The following SSH2 variants were observed in gnomAD, a reference collection of about 807,000 sequenced individuals.
The protein encoded by SSH2 is slingshot protein phosphatase 2.
A neutral mutation model predicts 135.2 loss-of-function variants in SSH2; 37 were observed. That is an observed-to-expected ratio of 0.27 (90% CI 0.21 to 0.36). The LOEUF (loss-of-function observed/expected upper bound fraction) is 0.36. SSH2 is among the 10% of genes least tolerant of loss of function. The pLI, the probability that SSH2 is intolerant of heterozygous loss-of-function variation, is 1.00. For missense variants in SSH2, 1,408 were observed against 1,765.3 expected (o/e 0.80, Z 3.63); for synonymous variants, 628 against 646.2 (o/e 0.97, Z 0.43).
intron 2 of SSH2, among the ~76,000 whole-genome samples, chr17:29,823,552 T>C (rs1356237080): frequency 6.6e-6 from 1 of 152,036 alleles, no homozygotes; most frequent in Non-Finnish European, 1.5e-5. Flanking sequence ...ACCTCCCCCA[T>C]GCGGATGCCC....
intron 3 of SSH2, among the ~76,000 whole-genome samples, chr17:29,737,072 C>G (rs1303712810): frequency 8.1e-6 from 1 of 123,362 alleles, no homozygotes; most frequent in Non-Finnish European, 1.6e-5. Context: ...GCACTCCAGC[C>G]TGGGCGACAG....
intron 2 of SSH2, among the ~76,000 whole-genome samples, chr17:29,810,184 G>A (rs569030111): frequency 7.2e-4 from 97 of 133,952 alleles, no homozygotes; most frequent in Non-Finnish European, 1.4e-3. Context: ...TGTAGATTCA[G>A]TCTGCAAACA....
In SSH2 at chr17:29,929,965, G is replaced by A. The variant is rs778750653; in HGVS notation, c.36C>T (p.Pro12=). The A allele has an allele frequency of 3.1e-6, 5 of 1,603,756 alleles. No individual in the cohort carries two copies. The East Asian group carries it at 1.1e-4, about 36-fold the overall frequency. Residue 12 remains proline (P), a synonymous_variant, in exon 1 of 16, where the codon CCC becomes CCT. Transcript: ENST00000540801. Reference sequence around the variant, plus strand: ...AGGCGCAGGGGCTGGAGGTGGTGCTGGGGGTAGGTGACCGCTGGACCGTGA... The same window carrying A: ...AGGCGCAGGGGCTGGAGGTGGTGCTAGGGGTAGGTGACCGCTGGACCGTGA... The part of the protein sequence containing the change: ...ALVTVQRSPT[P]STTSSPCASS...
intron 3 of SSH2, among the ~76,000 whole-genome samples, chr17:29,790,687 T>C (rs1169243234): frequency 6.6e-6 from 1 of 152,174 alleles, no homozygotes; most frequent in Non-Finnish European, 1.5e-5. Flanking sequence ...GGTTGTTATC[T>C]GTGAACAAAG....
At chr17:29,828,386 C>A (rs1406969391) in intron 2 of SSH2, among the ~76,000 whole-genome samples, 1 of 152,184 alleles carries the variant, frequency 6.6e-6, no homozygotes, top group African/African-American at 2.4e-5. Flanking sequence ...AGATTCCCAA[C>A]CACTCAAAAC....
intron 6 of SSH2, among the ~76,000 whole-genome samples, chr17:29,678,006 C>T (rs2037800975): frequency 6.6e-6 from 1 of 152,130 alleles, no homozygotes; most frequent in South Asian, 2.1e-4. Context: ...TTGCAAATGG[C>T]CACTATCTAA....
chr17:29,681,294 C>G (rs1271560291), intron 6 of SSH2, among the ~76,000 whole-genome samples: 1 of 125,698 alleles, frequency 8.0e-6, no homozygotes, highest in Non-Finnish European at 1.6e-5. Context: ...GAGATTGCAC[C>G]ACTGTACTCC....
intron 2 of SSH2, among the ~76,000 whole-genome samples, chr17:29,832,462 T>C (rs1206238515): frequency 6.6e-6 from 1 of 152,206 alleles, no homozygotes; most frequent in Non-Finnish European, 1.5e-5. Context: ...AAATGAATGA[T>C]GGCTATAAAA....
chr17:29,818,351 C>T (rs192583061), intron 2 of SSH2, among the ~76,000 whole-genome samples: 45 of 151,598 alleles, frequency 3.0e-4, no homozygotes, highest in African/African-American at 9.9e-4. Flanking sequence ...TGGGTTCATG[C>T]CATTCTCCTG....
chr17:29,630,240 A>C lies in SSH2; in HGVS notation c.*601T>G, dbSNP rs1398801035. 3 of 152,220 alleles carry C rather than the reference A, an allele frequency of 2.0e-5. No homozygotes were observed. The highest frequency in any genetic ancestry group is 7.2e-5 in the African/African-American group (3 of 41,452). 9.4% of individuals were successfully genotyped at this position (152,220 alleles called of 1,614,324 possible). On this transcript the variant is annotated 3_prime_UTR_variant, in exon 16 of 16. Coordinates refer to ENST00000540801, the MANE Select transcript of SSH2 (RefSeq NM_001282129.2). Reference sequence around the variant, plus strand: ...ATATGATAAATTTGCAGAGCCGGCCATTATCATGTCTTACTGTAACGATAC... The same window carrying C: ...ATATGATAAATTTGCAGAGCCGGCCCTTATCATGTCTTACTGTAACGATAC...
rs764088794 is a variant in SSH2, at chr17:29,630,785, A to C, written c.*56T>G. ...ATAAAGTGCATGTTCCTTACATATT[A>C]CACCTGCCCCTTTTACAAACATTTC... On this transcript the variant is annotated 3_prime_UTR_variant, in exon 16 of 16. Coordinates refer to ENST00000540801, the MANE Select transcript of SSH2 (RefSeq NM_001282129.2). 2 of 1,481,220 alleles carry C rather than the reference A, an allele frequency of 1.4e-6. No individual in the cohort carries two copies. The highest frequency in any genetic ancestry group is 1.8e-6 in the Non-Finnish European group (2 of 1,102,750). The allele number at this position is 1,481,220 out of a possible 1,614,324, so 91.8% of individuals were successfully genotyped here. A position where few individuals can be genotyped will look rare whatever the true frequency, so the allele number is the denominator to read the frequency against.
chr17:29,764,730 GACA>G, intron 3 of SSH2, among the ~76,000 whole-genome samples: 1 of 152,302 alleles, frequency 6.6e-6, no homozygotes, highest in Non-Finnish European at 1.5e-5. Context: ...GTTGGCTCTT[GACA>G]ACATTAGCTA....
chr17:29,738,562 T>A lies in SSH2; in HGVS notation c.189-35500A>T, dbSNP rs888077912. Among the ~76,000 whole-genome samples the A allele has an allele frequency of 2.0e-5, 3 of 150,012 alleles. No individual in the cohort carries two copies. In the East Asian group the frequency reaches 5.8e-4, roughly 29 times the overall value. ...TTTTTTCTTTTTTATTTTATTTTATTTTTTTTTTTGAGACGGAGTCTCGCT... is the reference window on the plus strand; with the variant it reads ...TTTTTTCTTTTTTATTTTATTTTATATTTTTTTTTGAGACGGAGTCTCGCT... On this transcript the variant is annotated intron_variant, in intron 3 of 15. Coordinates refer to ENST00000540801, the MANE Select transcript of SSH2 (RefSeq NM_001282129.2).
chr17:29,755,707 G>A (rs1214012986), intron 3 of SSH2, among the ~76,000 whole-genome samples: 1 of 149,950 alleles, frequency 6.7e-6, no homozygotes, highest in African/African-American at 2.4e-5. Flanking sequence ...TTTCGCCCAG[G>A]CTGGAGTGCA....
At chr17:29,871,099 G>A (rs1183035145) in intron 1 of SSH2, among the ~76,000 whole-genome samples, 2 of 152,060 alleles carry the variant, frequency 1.3e-5, no homozygotes, top group East Asian at 3.8e-4. Flanking sequence ...GGTATTTTTG[G>A]AATGAAACTC....
At position 29,632,250 on chromosome 17, in the gene SSH2, G is replaced by C; in HGVS notation, c.2944C>G (p.Pro982Ala). Residue 982 changes from proline to alanine, a missense_variant, in exon 16 of 16, where the codon CCA becomes GCA. Physicochemically the swap from Pro to Ala is conservative, Grantham distance 27. Around this residue, in one of 3 missense-constraint regions of SSH2, gnomAD observed 1,080 missense variants for 1,144.5 expected, o/e 0.94. Coordinates refer to ENST00000540801, the MANE Select transcript of SSH2 (RefSeq NM_001282129.2). ...LSHSEQNATV[P>A]APRVLEFDHL... Reference sequence around the variant, plus strand: ...TCAAACTCCAGCACCCTGGGAGCTGGAACAGTGGCATTCTGCTCAGAATGG... The same window carrying C: ...TCAAACTCCAGCACCCTGGGAGCTGCAACAGTGGCATTCTGCTCAGAATGG... 6.2e-7 allele frequency: 1 copy of C among 1,613,944 alleles called. No homozygotes were observed.
intron 1 of SSH2, among the ~76,000 whole-genome samples, chr17:29,896,638 A>T (rs2066450606): frequency 6.6e-6 from 1 of 151,278 alleles, no homozygotes; most frequent in Non-Finnish European, 1.5e-5. Context: ...TTCCCACTTT[A>T]TTGCTGGTCT....
intron 8 of SSH2, chr17:29,676,156 G>A (rs1026781956): frequency 6.6e-6 from 1 of 152,076 alleles, no homozygotes; most frequent in Admixed American, 6.5e-5. Flanking sequence ...TTAGGAAATA[G>A]CTAATGCAGG....
intron 1 of SSH2, among the ~76,000 whole-genome samples, chr17:29,902,064 G>A (rs1342288302): frequency 2.6e-5 from 4 of 152,086 alleles, no homozygotes; most frequent in Admixed American, 1.3e-4. Context: ...TGGGATTACA[G>A]GCATAAACCA....
Sources: gnomAD v4.1 joint callset for allele counts (sites outside exome capture counted in the v4.1 genomes callset) on GRCh38, gnomAD v4.1.1 for gene constraint, gnomAD v4.1.1 regional missense constraint, MANE v1.5 for transcripts, NCBI Gene and HGNC (gene_info 2026-07-23, HGNC 2026-07-21) for gene names.